Variants in CCNY observed in about 807,000 individuals in gnomAD.
The protein encoded by CCNY is cyclin Y.
Under a neutral mutation model 42.8 loss-of-function variants are expected in CCNY, and 19 were observed. The observed-to-expected ratio is 0.44, with a 90% CI of 0.31 to 0.65. The LOEUF is 0.65. CCNY is among the 30% of genes least tolerant of loss of function. CCNY has a pLI of 0.07. For missense variants in CCNY, 370 were observed against 437.3 expected (o/e 0.85, Z 1.37); for synonymous variants, 165 against 162.7 (o/e 1.01, Z -0.11).
chr10:35,549,046 A>G (rs1038213273), intron 7 of CCNY, among the ~76,000 whole-genome samples: 22 of 151,932 alleles, frequency 1.4e-4, no homozygotes, highest in African/African-American at 5.1e-4. Context: ...TTAGTCATGG[A>G]TGTTTTCATT....
intron 1 of CCNY, among the ~76,000 whole-genome samples, chr10:35,381,151 C>T (rs551017814): frequency 3.3e-5 from 5 of 152,154 alleles, no homozygotes; most frequent in South Asian, 2.1e-4. Context: ...TAAACAATGT[C>T]GGTGATATTC....
At chr10:35,271,523 G>C (rs1392824410) in intron 3 of CCNY, among the ~76,000 whole-genome samples, 1 of 152,162 alleles carries the variant, frequency 6.6e-6, no homozygotes, top group Middle Eastern at 3.2e-3. Flanking sequence ...TCTCAACAAG[G>C]CCAGCCCTCA....
At chr10:35,275,313 G>A (rs147535595) in intron 3 of CCNY, among the ~76,000 whole-genome samples, 2,713 of 151,564 alleles carry the variant, frequency 0.018, 52 homozygotes, top group African/African-American at 0.039. Context: ...TGATCTGCCC[G>A]CATTGGCCTC....
intron 1 of CCNY, among the ~76,000 whole-genome samples, chr10:35,373,827 A>G (rs1383914913): frequency 6.6e-6 from 1 of 152,170 alleles, no homozygotes; most frequent in African/African-American, 2.4e-5. Context: ...GCTATTAGTT[A>G]AGTTTTTGGG....
intron 1 of CCNY, among the ~76,000 whole-genome samples, chr10:35,393,513 C>T (rs1837459043): frequency 6.6e-6 from 1 of 152,202 alleles, no homozygotes; most frequent in Non-Finnish European, 1.5e-5. Context: ...GCCTTGCTCA[C>T]AGGTTGTTCC....
At chr10:35,371,320 C>A (rs1339663768) in intron 1 of CCNY, among the ~76,000 whole-genome samples, 2 of 152,186 alleles carry the variant, frequency 1.3e-5, no homozygotes, top group Non-Finnish European at 2.9e-5. Context: ...TCCTTCCTTT[C>A]TATTTCAATT....
rs1428131203 is a variant in CCNY at position 35,446,008 on chromosome 10, C to A, written c.155-37396C>A. On this transcript the variant is annotated intron_variant, in intron 1 of 9. Transcript: ENST00000374704. ...CACCCTTTACTCTCATAAGAAAAGT[C>A]GTTGGGCAGATCTATTAAAAATAAC... is the stretch of plus-strand genomic sequence containing the variant. Among the ~76,000 whole-genome samples, 4 of 152,138 alleles carry A rather than the reference C, an allele frequency of 2.6e-5. No homozygotes were observed. The East Asian group carries it at 7.7e-4, about 29-fold the overall frequency.
At chr10:35,251,860 A>G (rs1350174575) in intron 3 of CCNY, among the ~76,000 whole-genome samples, 2 of 152,084 alleles carry the variant, frequency 1.3e-5, no homozygotes, top group African/African-American at 4.8e-5. Context: ...AACTGCTAGG[A>G]TTGCAGGCAT....
intron 1 of CCNY, among the ~76,000 whole-genome samples, chr10:35,470,052 A>G (rs1349169025): frequency 6.8e-6 from 1 of 146,296 alleles, no homozygotes; most frequent in African/African-American, 2.6e-5. Context: ...AGACAGGGAG[A>G]TGGAGAGACA....
chr10:35,336,637 C>T lies in CCNY; in HGVS notation c.-417C>T, dbSNP rs1771358505. 2.7e-5 allele frequency among the ~76,000 whole-genome samples: 4 copies of T among 148,262 alleles called. No homozygotes were observed. Among genetic ancestry groups the T allele is most frequent in the South Asian group, 4.1e-4 (2 of 4,824 alleles). ...CGCGTGCCCCCGGCTTGAACCGGAA[C>T]CTCTTGCCGAGGCGGCCGCCGTCGC... On this transcript the variant is annotated 5_prime_UTR_variant, in exon 1 of 10. Coordinates refer to ENST00000374704, the MANE Select transcript of CCNY (RefSeq NM_145012.6).
chr10:35,561,662 C>T (rs1841469391), intron 8 of CCNY, among the ~76,000 whole-genome samples: 1 of 152,188 alleles, frequency 6.6e-6, no homozygotes, highest in African/African-American at 2.4e-5. Context: ...TCCCAGCTTC[C>T]TGAAGTGACC....
At chr10:35,377,787 A>G (rs988380509) in intron 1 of CCNY, among the ~76,000 whole-genome samples, 2 of 152,180 alleles carry the variant, frequency 1.3e-5, no homozygotes, top group African/African-American at 4.8e-5. Flanking sequence ...TTTTATTTTA[A>G]AAAATCTTCA....
At chr10:35,247,875 C>CAAAAAAAAAAAAAAAAAA (rs56166117) in intron 1 of CCNY, among the ~76,000 whole-genome samples, 3 of 58,156 alleles carry the variant, frequency 5.2e-5, no homozygotes, top group Admixed American at 2.0e-4. Context: ...GACTCCATCT[C>CAAAAAAAAAAAAAAAAAA]AAAAAAAAAA....
rs915213634 is a variant in CCNY at position 35,449,823 on chromosome 10, G to A, written c.155-33581G>A. ...CAGCTGAACGGACAGTAAGTTGAGA[G>A]TGCCAGGGAGTGTTGGAGGTTGGGG... On this transcript the variant is annotated intron_variant, in intron 1 of 9. Coordinates refer to ENST00000374704, the MANE Select transcript of CCNY (RefSeq NM_145012.6). 1.0e-5 allele frequency: 10 copies of A among 984,668 alleles called. No individual in the cohort carries two copies. In the African/African-American group the frequency reaches 1.7e-4, roughly 17 times the overall value. 61.0% of individuals were successfully genotyped at this position (984,668 alleles called of 1,614,324 possible).
intron 1 of CCNY, among the ~76,000 whole-genome samples, chr10:35,469,719 G>A (rs1839346700): frequency 6.6e-6 from 1 of 151,768 alleles, no homozygotes; most frequent in African/African-American, 2.4e-5. Flanking sequence ...TGGAGAGACA[G>A]ATAGGGAGAT....
chr10:35,311,246 A>G (rs897162472), intron 3 of CCNY, among the ~76,000 whole-genome samples: 2 of 152,148 alleles, frequency 1.3e-5, no homozygotes, highest in South Asian at 4.2e-4. Context: ...GGAGCCCAGG[A>G]GTTCGAGGCT....
At chr10:35,288,635 T>C (rs79475513) in intron 3 of CCNY, among the ~76,000 whole-genome samples, 1,708 of 152,336 alleles carry the variant, frequency 0.011, 24 homozygotes, top group East Asian at 0.054. Flanking sequence ...ACAATCCATT[T>C]TGAATTCAGT....
At chr10:35,453,834 A>G (rs1297615022) in intron 1 of CCNY, among the ~76,000 whole-genome samples, 2 of 152,112 alleles carry the variant, frequency 1.3e-5, no homozygotes, top group Non-Finnish European at 1.5e-5. Context: ...TTAAACTAAG[A>G]CCTATAGTAA....
At chr10:35,423,493 CT>C (rs947804582) in intron 1 of CCNY, among the ~76,000 whole-genome samples, 2 of 149,138 alleles carry the variant, frequency 1.3e-5, no homozygotes, top group African/African-American at 5.0e-5. Flanking sequence ...AAAAAAAATT[CT>C]GCTGAAAGAG....
Sources: gnomAD v4.1 joint callset for allele counts (sites outside exome capture counted in the v4.1 genomes callset) on GRCh38, gnomAD v4.1.1 for gene constraint, MANE v1.5 for transcripts, NCBI Gene and HGNC (gene_info 2026-07-23, HGNC 2026-07-21) for gene names.